The following GRIK2 variants were observed in gnomAD, a reference collection of about 807,000 sequenced individuals.
The protein encoded by GRIK2 is glutamate receptor ionotropic, kainate 2.
Under a neutral mutation model 100.3 loss-of-function variants are expected in GRIK2, and 32 were observed. The ratio of observed to expected loss-of-function variants is 0.32; its 90% CI spans 0.24 to 0.43. The LOEUF (loss-of-function observed/expected upper bound fraction) is 0.43. Ranked by LOEUF, GRIK2 falls within the 20% of genes least tolerant of loss-of-function variation. The pLI is 1.00. For synonymous variants in GRIK2, 417 were observed against 389.4 expected, an observed-to-expected ratio of 1.07 and a Z score of -0.83; for missense variants, 843 against 1,114.9, an observed-to-expected ratio of 0.76 and a Z score of 3.47.
Position 101,535,583 on chromosome 6 carries a change from A to G in GRIK2, c.116-86366A>G, listed in dbSNP as rs374980645. 5.3e-5 allele frequency among the ~76,000 whole-genome samples: 8 copies of G among 150,946 alleles called. No homozygotes were observed. The East Asian group carries it at 1.6e-3, about 29-fold the overall frequency. On this transcript the variant is annotated intron_variant, in intron 2 of 16. Transcript: ENST00000369134. Reference sequence around the variant, plus strand: ...CAATGCTCTTATTTCAGTTGTTAATATATCTGCTCACATCCTCTTTCCCCC... The same window carrying G: ...CAATGCTCTTATTTCAGTTGTTAATGTATCTGCTCACATCCTCTTTCCCCC...
intron 14 of GRIK2, among the ~76,000 whole-genome samples, chr6:101,970,681 C>CTGTTGTT (rs1562076619): frequency 2.7e-5 from 4 of 150,910 alleles, no homozygotes; most frequent in African/African-American, 9.9e-5. Flanking sequence ...ACTCATGCCC[C>CTGTTGTT]ATCCCAATAT....
intron 4 of GRIK2, among the ~76,000 whole-genome samples, chr6:101,661,790 T>C (rs965832493): frequency 6.6e-6 from 1 of 152,056 alleles, no homozygotes; most frequent in Non-Finnish European, 1.5e-5. Context: ...TGGCTTGCCC[T>C]CCGTGGACTG....
chr6:101,420,150 G>A (rs575650661), intron 2 of GRIK2, among the ~76,000 whole-genome samples: 5 of 152,230 alleles, frequency 3.3e-5, no homozygotes, highest in Admixed American at 1.3e-4. Context: ...CAAGTTGATC[G>A]CCCTCATTTT....
At chr6:101,776,973 A>G (rs1583127780) in intron 7 of GRIK2, among the ~76,000 whole-genome samples, 2 of 152,194 alleles carry the variant, frequency 1.3e-5, no homozygotes, top group African/African-American at 4.8e-5. Flanking sequence ...TGAAGAGATT[A>G]CCGCTCTTCT....
chr6:101,990,526 A>G (rs1021001535), intron 14 of GRIK2, among the ~76,000 whole-genome samples: 2 of 151,726 alleles, frequency 1.3e-5, no homozygotes, highest in African/African-American at 4.8e-5. Flanking sequence ...TGAAGCCTGA[A>G]TATCTCTGGG....
At chr6:101,791,674 G>A (rs1431476211) in intron 7 of GRIK2, among the ~76,000 whole-genome samples, 3 of 152,102 alleles carry the variant, frequency 2.0e-5, no homozygotes, top group Non-Finnish European at 4.4e-5. Flanking sequence ...CTGAAAAAAT[G>A]TATATTCTGT....
intron 9 of GRIK2, among the ~76,000 whole-genome samples, chr6:101,806,566 A>G (rs1389815808): frequency 6.6e-6 from 1 of 151,464 alleles, no homozygotes; most frequent in Admixed American, 6.6e-5. Flanking sequence ...CCAAAGCACC[A>G]GTGACCTCTC....
chr6:101,955,564 C>A (rs1405956402), intron 14 of GRIK2, among the ~76,000 whole-genome samples: 1 of 147,208 alleles, frequency 6.8e-6, no homozygotes, highest in Non-Finnish European at 1.5e-5. Context: ...GCCTGAGCAA[C>A]AGAGCAAGGC....
chr6:101,433,797 C>T (rs1769559010), intron 2 of GRIK2, among the ~76,000 whole-genome samples: 1 of 152,140 alleles, frequency 6.6e-6, no homozygotes, highest in Non-Finnish European at 1.5e-5. Context: ...AAAGAGAAAA[C>T]TCTACATTTA....
At chr6:101,867,011 G>T (rs1286969378) in intron 11 of GRIK2, among the ~76,000 whole-genome samples, 2 of 151,710 alleles carry the variant, frequency 1.3e-5, no homozygotes, top group East Asian at 3.9e-4. Context: ...TTTGTGATTT[G>T]TTGGAAAAAT....
At chr6:101,898,024 G>A (rs1401766316) in intron 12 of GRIK2, among the ~76,000 whole-genome samples, 1 of 151,678 alleles carries the variant, frequency 6.6e-6, no homozygotes, top group Non-Finnish European at 1.5e-5. Flanking sequence ...AAACTAATAC[G>A]TATTGCATGT....
chr6:101,781,041 A>G lies in GRIK2; in HGVS notation c.952-18607A>G, dbSNP rs1187633891. ...GCTCAGTTCAGGATTTGTTAGAATT[A>G]TATGATTCTATAATTTCTTTTTGTA... On this transcript the variant is annotated intron_variant, in intron 7 of 16. Transcript: ENST00000369134. Among the ~76,000 whole-genome samples the G allele has an allele frequency of 3.3e-5, 5 of 152,300 alleles. No homozygotes were observed. The East Asian group carries it at 9.6e-4, about 29-fold the overall frequency.
intron 12 of GRIK2, among the ~76,000 whole-genome samples, chr6:101,909,159 T>C (rs1443173532): frequency 2.6e-5 from 4 of 151,182 alleles, no homozygotes; most frequent in African/African-American, 9.7e-5. Context: ...TAAAAATAAT[T>C]GACCTCATAA....
intron 14 of GRIK2, among the ~76,000 whole-genome samples, chr6:101,978,726 A>C (rs1002007956): frequency 7.2e-5 from 11 of 152,006 alleles, no homozygotes; most frequent in African/African-American, 2.4e-4. Flanking sequence ...ATAAATAATA[A>C]TTGGCTCACT....
rs779891181 is a variant in GRIK2 at position 101,975,805 on chromosome 6, ATCTG to A, written c.2085+47177_2085+47180del. Among the ~76,000 whole-genome samples the A allele has an allele frequency of 7.0e-3, 923 of 132,020 alleles. 9 individuals are homozygous for A. Among genetic ancestry groups the A allele is most frequent in the African/African-American group, 0.024 (875 of 37,196 alleles). The allele number at this position is 132,020 out of a possible 152,430, so 86.6% of individuals were successfully genotyped here. A position where few individuals can be genotyped will look rare whatever the true frequency, so the allele number is the denominator to read the frequency against. On this transcript the variant is annotated intron_variant, in intron 14 of 16. Coordinates refer to ENST00000369134, the MANE Select transcript of GRIK2 (RefSeq NM_021956.5). Reference sequence around the variant, plus strand: ...TGTCTGTCTGTCTGTCTATCTATCTATCTGTCTATCTATCTATCTATCTATCTAT... The same window carrying A: ...TGTCTGTCTGTCTGTCTATCTATCTATCTATCTATCTATCTATCTATCTAT...
chr6:101,998,617 G>C (rs1470719043), intron 14 of GRIK2, among the ~76,000 whole-genome samples: 1 of 151,884 alleles, frequency 6.6e-6, no homozygotes. Context: ...CTTAAAAATG[G>C]TTCTAAGATT....
intron 2 of GRIK2, among the ~76,000 whole-genome samples, chr6:101,540,316 A>G (rs1388366536): frequency 1.3e-5 from 2 of 151,966 alleles, no homozygotes; most frequent in Non-Finnish European, 2.9e-5. Flanking sequence ...CATAAACATT[A>G]TAAGACCTAG....
chr6:101,875,640 T>C (rs2128450680), intron 11 of GRIK2, among the ~76,000 whole-genome samples: 1 of 152,030 alleles, frequency 6.6e-6, no homozygotes, highest in East Asian at 1.9e-4. Flanking sequence ...TTCTTTTACA[T>C]TGAATGAGTT....
At chr6:101,994,807 C>G (rs1794564615) in intron 14 of GRIK2, among the ~76,000 whole-genome samples, 1 of 151,840 alleles carries the variant, frequency 6.6e-6, no homozygotes, top group African/African-American at 2.4e-5. Context: ...CTATTTCACT[C>G]TCCTGTCCTG....
Sources: gnomAD v4.1 joint callset for allele counts (sites outside exome capture counted in the v4.1 genomes callset) on GRCh38, gnomAD v4.1.1 for gene constraint, MANE v1.5 for transcripts, NCBI Gene and HGNC (gene_info 2026-07-23, HGNC 2026-07-21) for gene names.